CBLB: variants seen among roughly 807,000 people sequenced by gnomAD.
CBLB encodes Cbl proto-oncogene B.
Under a neutral mutation model 104.9 loss-of-function variants are expected in CBLB, and 31 were observed. That is an observed-to-expected ratio of 0.30 (90% CI 0.22 to 0.40). The LOEUF is 0.40. Among genes scored for constraint, CBLB ranks in the 10% least tolerant of loss-of-function variants. The probability of loss-of-function intolerance (pLI) is 1.00; values close to 1 mark genes in which losing one functional copy is unlikely to be tolerated. For synonymous variants in CBLB, 440 were observed against 422.6 expected (o/e 1.04, Z -0.51); for missense variants, 1,062 against 1,214.6 (o/e 0.87, Z 1.87).
At chr3:105,665,416 A>ATAT (rs2064298989) in intron 18 of CBLB, among the ~76,000 whole-genome samples, 2 of 98,652 alleles carry the variant, frequency 2.0e-5, no homozygotes, top group African/African-American at 9.2e-5. Context: ...TAAATAAATA[A>ATAT]ATATATATAT....
chr3:105,791,493 A>G (rs772294533), intron 3 of CBLB, among the ~76,000 whole-genome samples: 5 of 152,216 alleles, frequency 3.3e-5, no homozygotes, highest in Non-Finnish European at 5.9e-5. Flanking sequence ...CTCAAAACAC[A>G]TATTATCAAT....
At position 105,709,962 on chromosome 3, in the gene CBLB, C is replaced by T. The variant is rs2070813766; in HGVS notation, c.1408-5789G>A. 2.0e-5 allele frequency among the ~76,000 whole-genome samples: 3 copies of T among 151,848 alleles called. No homozygotes were observed. The South Asian group carries it at 6.2e-4, about 31-fold the overall frequency. On this transcript the variant is annotated intron_variant, in intron 10 of 18. Transcript: ENST00000394030. ...TGGGCCATACCAATGTTTAAATTTG[C>T]CCTTCCTTCCTTGACAAATAATTTG...
intron 3 of CBLB, among the ~76,000 whole-genome samples, chr3:105,816,042 G>A (rs1196477357): frequency 2.0e-5 from 3 of 152,010 alleles, no homozygotes; most frequent in Non-Finnish European, 4.4e-5. Context: ...ATCACACACT[G>A]GGGCCTGTCG....
At chr3:105,837,489 G>A (rs2088723613) in intron 3 of CBLB, among the ~76,000 whole-genome samples, 1 of 152,182 alleles carries the variant, frequency 6.6e-6, no homozygotes, top group South Asian at 2.1e-4. Context: ...GAACTAATAA[G>A]TCAATAAGAA....
intron 3 of CBLB, among the ~76,000 whole-genome samples, chr3:105,780,662 T>G (rs2080111817): frequency 8.8e-6 from 1 of 113,800 alleles, no homozygotes; most frequent in East Asian, 2.4e-4. Flanking sequence ...TGTTTTTTGT[T>G]TTTTTTTTTT....
chr3:105,770,683 C>G (rs192126564), intron 4 of CBLB, among the ~76,000 whole-genome samples: 2 of 152,114 alleles, frequency 1.3e-5, no homozygotes, highest in South Asian at 2.1e-4. Flanking sequence ...CCTGGGAAGA[C>G]GAAGAGGGGC....
chr3:105,671,664 CTATTTT>C, intron 17 of CBLB: 1 of 204,802 alleles, frequency 4.9e-6, no homozygotes, highest in Non-Finnish European at 1.0e-5. Flanking sequence ...TAAATATTGA[CTATTTT>C]TATATTAGTT....
rs879318224 is a variant in CBLB at position 105,659,817 on chromosome 3, G to GA, written c.2690-589dup. On this transcript the variant is annotated intron_variant, in intron 18 of 18. Coordinates refer to ENST00000394030, the MANE Select transcript of CBLB (RefSeq NM_170662.5). Reference sequence around the variant, plus strand: ...AATCTGTGCCTTACTGATGCTAGGAGAAAAAAAAAACAAAATAGTAGATGC... The same window carrying GA: ...AATCTGTGCCTTACTGATGCTAGGAGAAAAAAAAAAACAAAATAGTAGATGC... Among the ~76,000 whole-genome samples the GA allele has an allele frequency of 4.5e-3, 658 of 147,078 alleles. 5 individuals are homozygous for GA. The highest frequency in any genetic ancestry group is 0.014 in the African/African-American group (575 of 40,200).
chr3:105,671,240 T>C (rs1047183037), intron 17 of CBLB: 1 of 203,846 alleles, frequency 4.9e-6, no homozygotes, highest in African/African-American at 2.3e-5. Context: ...AAAACCTTGG[T>C]TCACTAATAA....
In CBLB at chr3:105,704,126, G is replaced by A. The variant is rs745420274; in HGVS notation, c.1455C>T (p.Pro485=). The change falls in exon 11 of 19, where the codon CCC becomes CCT. Residue 485 remains proline (P), a synonymous_variant. Transcript: ENST00000394030. ...GCTGTGGCTTTCTTCTCTGGGCAAG[G>A]GGAGAGGATCCTGGTGATGTGACTG... ...NSPVTSPGSS[P]LAQRRKPQPD... is the part of the protein sequence containing the mutation. 5.6e-6 allele frequency: 9 copies of A among 1,614,120 alleles called. No homozygotes were observed. The highest frequency in any genetic ancestry group is 5.9e-6 in the Non-Finnish European group (7 of 1,180,002).
chr3:105,835,444 A>G (rs964072448), intron 3 of CBLB, among the ~76,000 whole-genome samples: 1 of 152,022 alleles, frequency 6.6e-6, no homozygotes, highest in African/African-American at 2.4e-5. Flanking sequence ...ATCAGGAGAA[A>G]TATTTAAATC....
At chr3:105,818,114 A>G (rs1173077815) in intron 3 of CBLB, among the ~76,000 whole-genome samples, 2 of 152,178 alleles carry the variant, frequency 1.3e-5, no homozygotes, top group Non-Finnish European at 2.9e-5. Flanking sequence ...CACAAATTTC[A>G]TCAAAATTAA....
intron 3 of CBLB, among the ~76,000 whole-genome samples, chr3:105,781,869 G>C (rs551715403): frequency 6.6e-6 from 1 of 152,264 alleles, no homozygotes; most frequent in African/African-American, 2.4e-5. Context: ...GCTAGAACAT[G>C]CTCTTCTTAA....
intron 3 of CBLB, among the ~76,000 whole-genome samples, chr3:105,830,548 T>C (rs1055017081): frequency 2.0e-5 from 3 of 152,216 alleles, no homozygotes; most frequent in Non-Finnish European, 2.9e-5. Context: ...GTATTTTTTG[T>C]TGTTGTCTTA....
intron 18 of CBLB, among the ~76,000 whole-genome samples, chr3:105,660,091 G>C (rs2063638643): frequency 6.6e-6 from 1 of 152,160 alleles, no homozygotes; most frequent in South Asian, 2.1e-4. Flanking sequence ...CAGGTCATGG[G>C]CTAGCTAACT....
At chr3:105,817,937 T>A (rs987782178) in intron 3 of CBLB, among the ~76,000 whole-genome samples, 20 of 152,188 alleles carry the variant, frequency 1.3e-4, no homozygotes, top group Non-Finnish European at 2.8e-4. Flanking sequence ...TTTTAAATCA[T>A]GATGATGAAA....
chr3:105,681,682 A>G (rs1374300673), intron 15 of CBLB, 42 bp downstream of exon 15: 1 of 1,601,174 alleles, frequency 6.2e-7, no homozygotes, highest in East Asian at 2.2e-5. Context: ...AATTCTGACC[A>G]TTAAGATGTA....
intron 18 of CBLB, among the ~76,000 whole-genome samples, chr3:105,662,100 A>G (rs780248532): frequency 1.4e-4 from 21 of 152,210 alleles, no homozygotes; most frequent in Non-Finnish European, 2.5e-4. Context: ...AGCTGTTAAA[A>G]AGTGGGGAGG....
At chr3:105,739,514 G>A (rs577175923) in intron 7 of CBLB, among the ~76,000 whole-genome samples, 4 of 152,230 alleles carry the variant, frequency 2.6e-5, no homozygotes, top group African/African-American at 9.6e-5. Flanking sequence ...AAACAAATAA[G>A]AAGAATCAGA....
Sources: gnomAD v4.1 joint callset for allele counts (sites outside exome capture counted in the v4.1 genomes callset) on GRCh38, gnomAD v4.1.1 for gene constraint, MANE v1.5 for transcripts, NCBI Gene and HGNC (gene_info 2026-07-23, HGNC 2026-07-21) for gene names.